CEP83: variants seen among roughly 807,000 people sequenced by gnomAD.
CEP83 encodes centrosomal protein 83.
CEP83 carries 70 observed loss-of-function variants against 101.9 expected under a neutral mutation model. That is an observed-to-expected ratio of 0.69 (90% CI 0.57 to 0.84). The LOEUF is 0.84. CEP83 is among the 40% of genes least tolerant of loss of function. The pLI, the probability that CEP83 is intolerant of heterozygous loss-of-function variation, is 0.00. For missense variants in CEP83, 715 were observed against 787.2 expected (o/e 0.91, Z 1.10); for synonymous variants, 264 against 267.9 (o/e 0.99, Z 0.14).
chr12:94,305,362 T>C, downstream of CEP83: 1 of 799,106 alleles, frequency 1.3e-6, no homozygotes, highest in Non-Finnish European at 2.1e-6. Context: ...AGCTACTCTG[T>C]GTCGTTAATT....
the CEP83 span, among the ~76,000 whole-genome samples, chr12:94,266,467 G>A: frequency 6.6e-6 from 1 of 152,232 alleles, no homozygotes; most frequent in African/African-American, 2.4e-5. Context: ...CGCCCAGAAA[G>A]CTCACTAAAC....
downstream of CEP83, chr12:94,304,339 C>A: frequency 3.5e-6 from 1 of 283,912 alleles, no homozygotes; most frequent in Non-Finnish European, 6.5e-6. Context: ...AAGTAGTGGC[C>A]CTATTAAATG....
chr12:94,446,020 A>G (rs2066772778), intron 1 of CEP83, among the ~76,000 whole-genome samples: 1 of 152,248 alleles, frequency 6.6e-6, no homozygotes, highest in Admixed American at 6.5e-5. Flanking sequence ...ACTATGTAGT[A>G]CAAAAGCACT....
chr12:94,427,761 G>C lies in CEP83; in HGVS notation c.-102+7514C>G, dbSNP rs2065314948. ...TTTAAAAAACAACATTAAAAGTCTA[G>C]GGAGGACCTACACCAGGCATTTACT... On this transcript the variant is annotated intron_variant, in intron 2 of 16. Transcript: ENST00000397809. Among the ~76,000 whole-genome samples, 3 of 151,736 alleles carry C rather than the reference G, an allele frequency of 2.0e-5. No homozygotes were observed. In the South Asian group the frequency reaches 6.2e-4, roughly 32 times the overall value.
the CEP83 span, chr12:94,298,546 G>A: frequency 6.4e-6 from 7 of 1,090,142 alleles, no homozygotes; most frequent in South Asian, 9.6e-5. Context: ...TATTTTCTCT[G>A]AATGTGGATT....
At chr12:94,450,556 C>T (rs1444128308) in intron 1 of CEP83, among the ~76,000 whole-genome samples, 1 of 152,120 alleles carries the variant, frequency 6.6e-6, no homozygotes, top group African/African-American at 2.4e-5. Flanking sequence ...TGGACGATTG[C>T]ATTTTTTTGT....
intron 1 of CEP83, among the ~76,000 whole-genome samples, chr12:94,444,901 C>T (rs1473232323): frequency 6.6e-6 from 1 of 151,908 alleles, no homozygotes; most frequent in Non-Finnish European, 1.5e-5. Context: ...TCAGAAAATT[C>T]AATATTGTTA....
Position 94,424,881 on chromosome 12 carries a change from G to A in CEP83, c.-102+10394C>T, listed in dbSNP as rs2065062989. 1.9e-6 allele frequency: 3 copies of A among 1,600,388 alleles called. No homozygotes were observed. In the Admixed American group the frequency reaches 5.0e-5, roughly 27 times the overall value. ...TTGCTTGGGCTAGGTGGTGCCATCTGCTGAGCCAATGACACATATGGCTTC... is the reference window on the plus strand; with the variant it reads ...TTGCTTGGGCTAGGTGGTGCCATCTACTGAGCCAATGACACATATGGCTTC... On this transcript the variant is annotated intron_variant, in intron 2 of 16. Coordinates refer to ENST00000397809, the MANE Select transcript of CEP83 (RefSeq NM_016122.3).
chr12:94,436,155 T>C (rs999299477), intron 1 of CEP83, among the ~76,000 whole-genome samples: 3 of 151,966 alleles, frequency 2.0e-5, no homozygotes, highest in African/African-American at 7.3e-5. Flanking sequence ...GTAATTCTGG[T>C]AATATGGCAA....
intron 11 of CEP83, among the ~76,000 whole-genome samples, chr12:94,363,162 A>G (rs937194359): frequency 2.6e-5 from 4 of 152,244 alleles, no homozygotes; most frequent in African/African-American, 9.6e-5. Flanking sequence ...TATTTGAGCT[A>G]GAAGAGACGA....
chr12:94,331,625 G>A (rs750534040), intron 14 of CEP83, 75 bp downstream of exon 14: 45 of 1,325,200 alleles, frequency 3.4e-5, no homozygotes, highest in Admixed American at 1.2e-4. Context: ...ACCTGCCTCC[G>A]CCTCCCAAAG....
chr12:94,300,828 A>T, the CEP83 span: 1 of 1,327,090 alleles, frequency 7.5e-7, no homozygotes, highest in East Asian at 2.3e-5. Context: ...GGACAAAAAC[A>T]CCCGTTTACA....
intron 4 of CEP83, among the ~76,000 whole-genome samples, chr12:94,407,386 T>G (rs1196332323): frequency 6.6e-6 from 1 of 152,140 alleles, no homozygotes; most frequent in Non-Finnish European, 1.5e-5. Flanking sequence ...CCAGACAAAG[T>G]GCACTGCAAA....
At chr12:94,358,655 T>C (rs2060594704) in intron 11 of CEP83, among the ~76,000 whole-genome samples, 1 of 152,242 alleles carries the variant, frequency 6.6e-6, no homozygotes, top group African/African-American at 2.4e-5. Flanking sequence ...TTCACTGACT[T>C]AAGAGCCACC....
At chr12:94,449,454 T>C (rs1019663184) in intron 1 of CEP83, among the ~76,000 whole-genome samples, 1 of 151,832 alleles carries the variant, frequency 6.6e-6, no homozygotes, top group Non-Finnish European at 1.5e-5. Flanking sequence ...CAACAACATA[T>C]AACAGAGATT....
intron 11 of CEP83, among the ~76,000 whole-genome samples, chr12:94,341,248 TAATA>T (rs1222891864): frequency 6.6e-6 from 1 of 152,184 alleles, no homozygotes; most frequent in East Asian, 1.9e-4. Context: ...GGTATATAAT[TAATA>T]AAGGATCTGT....
upstream of CEP83, chr12:94,460,201 T>C (rs1227173898): frequency 6.6e-6 from 1 of 152,446 alleles, no homozygotes; most frequent in African/African-American, 2.4e-5. Context: ...GGCACTTGCC[T>C]TGGAGTCTGA....
chr12:94,355,264 C>T (rs895018422), intron 11 of CEP83, among the ~76,000 whole-genome samples: 9 of 152,036 alleles, frequency 5.9e-5, no homozygotes, highest in Non-Finnish European at 1.0e-4. Flanking sequence ...GAGGCCAAGG[C>T]GGGTGGATCA....
intron 11 of CEP83, among the ~76,000 whole-genome samples, chr12:94,355,826 A>T (rs1446822745): frequency 6.6e-6 from 1 of 152,228 alleles, no homozygotes; most frequent in East Asian, 1.9e-4. Flanking sequence ...TTCCTGCTGC[A>T]ATTAATTCGG....
Sources: allele counts gnomAD v4.1 joint callset (sites outside exome capture counted in the v4.1 genomes callset), GRCh38; gene constraint gnomAD v4.1.1; transcripts MANE v1.5; gene names NCBI Gene and HGNC (gene_info 2026-07-23, HGNC 2026-07-21).